Variants in ATP8A2 observed in about 807,000 individuals in gnomAD.
The protein encoded by ATP8A2 is ATPase phospholipid transporting 8A2, also known as phospholipid-transporting ATPase IB.
Under a neutral mutation model 165.6 loss-of-function variants are expected in ATP8A2, and 100 were observed. The ratio of observed to expected loss-of-function variants is 0.60; its 90% CI spans 0.51 to 0.71. The LOEUF is 0.71. ATP8A2 is among the 30% of genes least tolerant of loss of function. ATP8A2 has a pLI of 0.00. For synonymous variants in ATP8A2, 543 were observed against 548.8 expected, an observed-to-expected ratio of 0.99 and a Z score of 0.15; for missense variants, 1,227 against 1,479.5, an observed-to-expected ratio of 0.83 and a Z score of 2.80.
intron 18 of ATP8A2, among the ~76,000 whole-genome samples, chr13:25,573,200 C>G (rs1484609949): frequency 6.6e-6 from 1 of 152,064 alleles, no homozygotes; most frequent in Non-Finnish European, 1.5e-5. Flanking sequence ...TGTGTGGGTG[C>G]CACCGCATGT....
At chr13:25,670,348 T>G (rs940522052) in intron 24 of ATP8A2, among the ~76,000 whole-genome samples, 2 of 152,178 alleles carry the variant, frequency 1.3e-5, no homozygotes, top group Non-Finnish European at 2.9e-5. Context: ...CTGAGGTTAT[T>G]GAATCAGACG....
intron 25 of ATP8A2, among the ~76,000 whole-genome samples, chr13:25,711,276 A>G (rs534637257): frequency 9.1e-4 from 139 of 152,306 alleles, no homozygotes; most frequent in African/African-American, 3.1e-3. Flanking sequence ...GAGTGCTGGG[A>G]TTACAGGCGT....
intron 33 of ATP8A2, among the ~76,000 whole-genome samples, chr13:25,907,733 T>C (rs560776155): frequency 5.3e-5 from 8 of 152,256 alleles, no homozygotes; most frequent in African/African-American, 1.9e-4. Context: ...TTCTTTACAC[T>C]CCCTCCACTC....
chr13:25,526,715 G>T (rs1027072249), intron 2 of ATP8A2, among the ~76,000 whole-genome samples: 1 of 152,206 alleles, frequency 6.6e-6, no homozygotes, highest in African/African-American at 2.4e-5. Context: ...CTGCAATTTG[G>T]TATCTCTTTG....
At chr13:25,862,265 C>T (rs368127529) in intron 32 of ATP8A2, 36 bp from the exon 33 acceptor site, 5 of 1,527,424 alleles carry the variant, frequency 3.3e-6, no homozygotes, top group East Asian at 2.3e-5. Context: ...CCAGGCTGGT[C>T]GAGAAGCCTG....
chr13:25,793,737 G>C (rs1023979645), intron 27 of ATP8A2, among the ~76,000 whole-genome samples: 1 of 152,076 alleles, frequency 6.6e-6, no homozygotes, highest in East Asian at 1.9e-4. Context: ...TAACGAGATA[G>C]CAGAGAAATC....
chr13:25,770,689 C>T (rs1165818014), intron 26 of ATP8A2, among the ~76,000 whole-genome samples: 1 of 152,170 alleles, frequency 6.6e-6, no homozygotes. Flanking sequence ...ATGATTTGGC[C>T]TGCTGGATCA....
intron 33 of ATP8A2, among the ~76,000 whole-genome samples, chr13:25,868,565 T>C (rs919624171): frequency 3.9e-5 from 6 of 152,208 alleles, no homozygotes; most frequent in African/African-American, 1.4e-4. Flanking sequence ...CTCATACATT[T>C]TGTGGAATAG....
intron 33 of ATP8A2, among the ~76,000 whole-genome samples, chr13:25,932,714 G>T (rs2139075964): frequency 6.6e-6 from 1 of 152,306 alleles, no homozygotes; most frequent in East Asian, 1.9e-4. Context: ...TGTTTTGATT[G>T]CTCAAAGCCT....
intron 1 of ATP8A2, among the ~76,000 whole-genome samples, chr13:25,455,588 G>C (rs534974558): frequency 5.3e-5 from 8 of 152,134 alleles, no homozygotes; most frequent in Non-Finnish European, 8.8e-5. Flanking sequence ...TTTCATTCAA[G>C]GGGGGAGCTA....
intron 2 of ATP8A2, among the ~76,000 whole-genome samples, chr13:25,513,556 G>T (rs2037351117): frequency 6.6e-6 from 1 of 152,124 alleles, no homozygotes; most frequent in Non-Finnish European, 1.5e-5. Context: ...AGACGGGGTG[G>T]CGGCCGGGCA....
chr13:25,514,410 A>G (rs2037398585), intron 2 of ATP8A2, among the ~76,000 whole-genome samples: 1 of 152,146 alleles, frequency 6.6e-6, no homozygotes, highest in Non-Finnish European at 1.5e-5. Context: ...CATATTTGGT[A>G]ATTTTTCAAA....
At chr13:25,879,577 C>G (rs1167734670) in intron 33 of ATP8A2, among the ~76,000 whole-genome samples, 1 of 152,208 alleles carries the variant, frequency 6.6e-6, no homozygotes. Context: ...GGATGTGCAC[C>G]TCTGCTGGCG....
chr13:25,883,253 C>T (rs533578788), intron 33 of ATP8A2, among the ~76,000 whole-genome samples: 1 of 152,138 alleles, frequency 6.6e-6, no homozygotes, highest in East Asian at 1.9e-4. Flanking sequence ...GCTGCATACT[C>T]TTATGAAAAA....
intron 30 of ATP8A2, among the ~76,000 whole-genome samples, chr13:25,845,995 G>A (rs1229258387): frequency 6.6e-6 from 1 of 152,136 alleles, no homozygotes; most frequent in Non-Finnish European, 1.5e-5. Context: ...GACCAACATG[G>A]TGAAACCCCA....
Position 25,873,457 on chromosome 13 carries a change from T to C in ATP8A2, c.3183+11049T>C, listed in dbSNP as rs184085023. Among the ~76,000 whole-genome samples, 173 of 152,246 alleles carry C rather than the reference T, an allele frequency of 1.1e-3. 3 individuals carry two copies. The highest frequency in any genetic ancestry group is 4.1e-3 in the African/African-American group (170 of 41,556). ...CAAAAAGAATCCGTGCCACTGAAAA[T>C]AGGTTAGGTCTGTTCCTTCTAAATG... On this transcript the variant is annotated intron_variant, in intron 33 of 36. Coordinates refer to ENST00000381655, the MANE Select transcript of ATP8A2 (RefSeq NM_016529.6).
intron 24 of ATP8A2, among the ~76,000 whole-genome samples, chr13:25,607,310 G>GT (rs1314336750): frequency 1.3e-5 from 2 of 152,090 alleles, no homozygotes; most frequent in Non-Finnish European, 2.9e-5. Context: ...CTCACCACTT[G>GT]TTTTTATAAA....
intron 17 of ATP8A2, 39 bp from the exon 18 acceptor site, chr13:25,571,571 C>A: frequency 6.8e-7 from 1 of 1,465,362 alleles, no homozygotes; most frequent in Non-Finnish European, 9.5e-7. Flanking sequence ...CTGTCACTAC[C>A]AGTGATATGT....
intron 35 of ATP8A2, among the ~76,000 whole-genome samples, chr13:25,986,337 T>A (rs1956280244): frequency 1.3e-5 from 2 of 152,216 alleles, no homozygotes; most frequent in Non-Finnish European, 2.9e-5. Flanking sequence ...AACTGAAAGG[T>A]TATACCTTTG....
Sources: gnomAD v4.1 joint callset for allele counts (sites outside exome capture counted in the v4.1 genomes callset) on GRCh38, gnomAD v4.1.1 for gene constraint, MANE v1.5 for transcripts, NCBI Gene and HGNC (gene_info 2026-07-23, HGNC 2026-07-21) for gene names.